CNTN3: variants seen among roughly 807,000 people sequenced by gnomAD.
The protein encoded by CNTN3 is contactin-3.
CNTN3 carries 60 observed loss-of-function variants against 119.1 expected under a neutral mutation model. That is an observed-to-expected ratio of 0.50 (90% CI 0.41 to 0.62). The LOEUF (loss-of-function observed/expected upper bound fraction) is 0.62. CNTN3 is among the 20% of genes least tolerant of loss of function. The probability of loss-of-function intolerance (pLI) is 0.00; values close to 1 mark genes in which losing one functional copy is unlikely to be tolerated. For synonymous variants in CNTN3, 450 were observed against 438.7 expected (o/e 1.03, Z -0.32); for missense variants, 1,101 against 1,242.4 (o/e 0.89, Z 1.71).
At position 74,361,979 on chromosome 3, in the gene CNTN3, G is replaced by T. The variant is rs1018457542; in HGVS notation, c.1275C>A (p.Ser425Arg). ...MKKLVQVQVG[S>R]LVSLDCKPRA... ...TGGGTTTACAATCCAAGCTGACCAG[G>T]CTGCCCACCTGCACCTGAACCAACT... The change falls in exon 11 of 23, where the codon AGC becomes AGA. Residue 425 changes from serine (S) to arginine (R), a missense_variant. Physicochemically the swap from Ser to Arg is moderately radical, Grantham distance 110. Coordinates refer to ENST00000263665, the MANE Select transcript of CNTN3 (RefSeq NM_020872.3). 1 of 1,613,826 alleles carries T rather than the reference G, an allele frequency of 6.2e-7. No homozygotes were observed. Among genetic ancestry groups the T allele is most frequent in the Non-Finnish European group, 8.5e-7 (1 of 1,179,792 alleles).
intron 3 of CNTN3, among the ~76,000 whole-genome samples, chr3:74,496,953 C>G (rs1024168998): frequency 1.3e-5 from 2 of 151,938 alleles, no homozygotes; most frequent in African/African-American, 4.8e-5. Flanking sequence ...TGGCATCAGT[C>G]TATAAGGCAG....
intron 1 of CNTN3, among the ~76,000 whole-genome samples, chr3:74,614,038 G>T (rs1705127030): frequency 6.6e-6 from 1 of 152,076 alleles, no homozygotes; most frequent in African/African-American, 2.4e-5. Flanking sequence ...CATGCACCTG[G>T]AATTGTTCCT....
At chr3:74,420,209 A>G (rs1206042599) in intron 5 of CNTN3, among the ~76,000 whole-genome samples, 1 of 152,244 alleles carries the variant, frequency 6.6e-6, no homozygotes, top group Non-Finnish European at 1.5e-5. Flanking sequence ...AGGGATTCCT[A>G]GGAAAATTCT....
intron 10 of CNTN3, among the ~76,000 whole-genome samples, chr3:74,364,144 G>A (rs753320506): frequency 1.1e-4 from 17 of 152,124 alleles, no homozygotes; most frequent in Non-Finnish European, 5.9e-5. Flanking sequence ...GACCAGCAAC[G>A]GGGAACACCA....
chr3:74,282,905 C>A (rs551049583), intron 20 of CNTN3, among the ~76,000 whole-genome samples: 1 of 152,164 alleles, frequency 6.6e-6, no homozygotes, highest in South Asian at 2.1e-4. Context: ...GAATTTCCCA[C>A]CCAACGTAGG....
At chr3:74,542,615 AAT>A (rs1007721920) in intron 1 of CNTN3, among the ~76,000 whole-genome samples, 6 of 152,218 alleles carry the variant, frequency 3.9e-5, no homozygotes, top group African/African-American at 1.4e-4. Context: ...AGTACTAGAT[AAT>A]ATGATGAATG....
chr3:74,439,294 G>A (rs1326706501), intron 4 of CNTN3, among the ~76,000 whole-genome samples: 1 of 152,036 alleles, frequency 6.6e-6, no homozygotes, highest in East Asian at 1.9e-4. Context: ...ATCACTTGAG[G>A]CCAGGAGTTC....
Position 74,302,683 on chromosome 3 carries a change from G to A in CNTN3, c.1786+7C>T, listed in dbSNP as rs765482679. 1.9e-6 allele frequency: 3 copies of A among 1,563,594 alleles called. No homozygotes were observed. Among genetic ancestry groups the A allele is most frequent in the Non-Finnish European group, 2.6e-6 (3 of 1,135,240 alleles). On this transcript the variant is annotated splice_region_variant and intron_variant, in intron 14 of 22. Coordinates refer to ENST00000263665, the MANE Select transcript of CNTN3 (RefSeq NM_020872.3). Reference sequence around the variant, plus strand: ...GTGACAAACTCAAGGGGGCATAAATGTTTTACCTCTTACTATGAGGTCAGC... The same window carrying A: ...GTGACAAACTCAAGGGGGCATAAATATTTTACCTCTTACTATGAGGTCAGC...
intron 11 of CNTN3, among the ~76,000 whole-genome samples, chr3:74,360,578 C>T (rs149528947): frequency 3.3e-5 from 5 of 152,124 alleles, no homozygotes; most frequent in African/African-American, 1.2e-4. Flanking sequence ...TCAATTTGTT[C>T]TCTTACAGTT....
intron 5 of CNTN3, among the ~76,000 whole-genome samples, chr3:74,415,782 C>T (rs944299256): frequency 3.3e-5 from 5 of 152,168 alleles, no homozygotes; most frequent in Admixed American, 2.6e-4. Context: ...TGTCGGGCTA[C>T]ATCTCAGCTC....
At chr3:74,598,544 T>G (rs1704850605) in intron 1 of CNTN3, among the ~76,000 whole-genome samples, 1 of 152,096 alleles carries the variant, frequency 6.6e-6, no homozygotes, top group South Asian at 2.1e-4. Flanking sequence ...ACTGAAGTCT[T>G]GACCTCCCTG....
intron 1 of CNTN3, among the ~76,000 whole-genome samples, chr3:74,577,993 T>A (rs1191038722): frequency 6.6e-6 from 1 of 152,118 alleles, no homozygotes; most frequent in Admixed American, 6.5e-5. Flanking sequence ...TGTTCTGTAC[T>A]TTTATTGAAA....
chr3:74,510,134 A>C, intron 2 of CNTN3, among the ~76,000 whole-genome samples: 1 of 151,916 alleles, frequency 6.6e-6, no homozygotes, highest in South Asian at 2.1e-4. Flanking sequence ...GCATCATTGC[A>C]GATGGTTTTA....
intron 13 of CNTN3, among the ~76,000 whole-genome samples, chr3:74,313,146 GA>G (rs1229836625): frequency 9.9e-5 from 15 of 151,544 alleles, no homozygotes; most frequent in African/African-American, 3.4e-4. Flanking sequence ...AAAACAGACT[GA>G]AAAAAACAGA....
intron 2 of CNTN3, among the ~76,000 whole-genome samples, chr3:74,518,007 T>C (rs540493331): frequency 1.3e-5 from 2 of 151,970 alleles, no homozygotes; most frequent in Non-Finnish European, 2.9e-5. Flanking sequence ...TTCATTTGAG[T>C]GAGCACTTTA....
chr3:74,459,692 C>T (rs1575747696), intron 4 of CNTN3, among the ~76,000 whole-genome samples: 1 of 151,966 alleles, frequency 6.6e-6, no homozygotes, highest in African/African-American at 2.4e-5. Context: ...TCACCTCCTA[C>T]TCACCCAGTA....
chr3:74,503,656 T>C (rs1341962768), intron 2 of CNTN3, among the ~76,000 whole-genome samples: 2 of 152,168 alleles, frequency 1.3e-5, no homozygotes, highest in Non-Finnish European at 2.9e-5. Flanking sequence ...GCCTTGACTA[T>C]TCACACAGCT....
chr3:74,392,456 T>C (rs936338805), intron 5 of CNTN3, among the ~76,000 whole-genome samples: 1 of 151,572 alleles, frequency 6.6e-6, no homozygotes, highest in Non-Finnish European at 1.5e-5. Flanking sequence ...TAAACATCTA[T>C]TCAGCAATCG....
chr3:74,572,867 T>G (rs1451800987), intron 1 of CNTN3, among the ~76,000 whole-genome samples: 1 of 152,190 alleles, frequency 6.6e-6, no homozygotes, highest in Non-Finnish European at 1.5e-5. Flanking sequence ...TATTGAAGGA[T>G]GCACGTTATC....
Sources: allele counts gnomAD v4.1 joint callset (sites outside exome capture counted in the v4.1 genomes callset), GRCh38; gene constraint gnomAD v4.1.1; transcripts MANE v1.5; gene names NCBI Gene and HGNC (gene_info 2026-07-23, HGNC 2026-07-21).